SUPT3H: variants seen among roughly 807,000 people sequenced by gnomAD.
SUPT3H encodes the protein transcription initiation protein SPT3 homolog.
Under a neutral mutation model 44.3 loss-of-function variants are expected in SUPT3H, and 44 were observed. That is an observed-to-expected ratio of 0.99 (90% CI 0.78 to 1.28). The LOEUF (loss-of-function observed/expected upper bound fraction) is 1.28. Among genes scored for constraint, SUPT3H ranks in the 50% most tolerant of loss-of-function variants. The pLI, the probability that SUPT3H is intolerant of heterozygous loss-of-function variation, is 0.00. For synonymous variants in SUPT3H, 124 were observed against 125.6 expected, an observed-to-expected ratio of 0.99 and a Z score of 0.09; for missense variants, 380 against 387.1, an observed-to-expected ratio of 0.98 and a Z score of 0.15.
At chr6:44,841,144 T>A (rs1487692277) in intron 10 of SUPT3H, among the ~76,000 whole-genome samples, 1 of 152,216 alleles carries the variant, frequency 6.6e-6, no homozygotes, top group African/African-American at 2.4e-5. Flanking sequence ...TAAAACCTCT[T>A]TTCTTTATAA....
intron 2 of SUPT3H, among the ~76,000 whole-genome samples, chr6:45,261,313 C>G (rs542410407): frequency 3.9e-5 from 6 of 151,960 alleles, no homozygotes; most frequent in African/African-American, 1.4e-4. Flanking sequence ...CAGAGATGCA[C>G]AAATTGTCAA....
intron 3 of SUPT3H, among the ~76,000 whole-genome samples, chr6:45,032,014 G>A (rs1320889021): frequency 6.6e-6 from 1 of 152,118 alleles, no homozygotes; most frequent in Non-Finnish European, 1.5e-5. Context: ...GTTGCAAAAT[G>A]GGATTATAGC....
chr6:44,810,230 T>C (rs1766420874), intron 11 of SUPT3H, among the ~76,000 whole-genome samples: 1 of 152,184 alleles, frequency 6.6e-6, no homozygotes, highest in Non-Finnish European at 1.5e-5. Flanking sequence ...ATAGGCAGGA[T>C]CACCCCATGA....
intron 10 of SUPT3H, among the ~76,000 whole-genome samples, chr6:44,876,896 TAAAAG>T (rs1397557319): frequency 1.3e-5 from 2 of 151,182 alleles, no homozygotes; most frequent in African/African-American, 2.4e-5. Flanking sequence ...AATTTTATCT[TAAAAG>T]AAAAAAACTG....
At chr6:45,139,313 G>A (rs116224737) in intron 2 of SUPT3H, among the ~76,000 whole-genome samples, 2,474 of 152,170 alleles carry the variant, frequency 0.016, 33 homozygotes, top group Non-Finnish European at 0.026. Context: ...TAAAAATTCT[G>A]GTGACGCATC....
intron 10 of SUPT3H, among the ~76,000 whole-genome samples, chr6:44,915,694 T>C (rs562898991): frequency 6.6e-6 from 1 of 152,304 alleles, no homozygotes; most frequent in African/African-American, 2.4e-5. Context: ...CAACCTCTTA[T>C]TGTAACTCAG....
At chr6:44,824,933 G>C (rs1453747865), downstream of SUPT3H, among the ~76,000 whole-genome samples, 1 of 152,180 alleles carries the variant, frequency 6.6e-6, no homozygotes, top group East Asian at 1.9e-4. Flanking sequence ...ATGAATTAAT[G>C]AGCAAGCCTT....
At chr6:45,285,927 T>G (rs915652915) in intron 2 of SUPT3H, among the ~76,000 whole-genome samples, 12 of 150,402 alleles carry the variant, frequency 8.0e-5, no homozygotes, top group South Asian at 2.1e-4. Context: ...AACAGAGCCC[T>G]CAGAAATAAT....
At chr6:45,288,696 C>T (rs1438643620) in intron 2 of SUPT3H, among the ~76,000 whole-genome samples, 1 of 148,822 alleles carries the variant, frequency 6.7e-6, no homozygotes, top group Non-Finnish European at 1.5e-5. Context: ...TCATTAATTC[C>T]TTGCAATAAT....
chr6:45,320,931 G>A (rs1160445802), intron 2 of SUPT3H, among the ~76,000 whole-genome samples: 1 of 152,040 alleles, frequency 6.6e-6, no homozygotes, highest in African/African-American at 2.4e-5. Context: ...CAATATAATA[G>A]TATTTAATGT....
At position 45,158,820 on chromosome 6, in the gene SUPT3H, G is replaced by A. The variant is rs537836232; in HGVS notation, c.102-52814C>T. The A allele has an allele frequency of 3.9e-5, 6 of 152,198 alleles. 1 individual carries two copies. The South Asian group carries it at 1.2e-3, about 32-fold the overall frequency. 9.4% of individuals were successfully genotyped at this position (152,198 alleles called of 1,614,324 possible). A position where few individuals can be genotyped will look rare whatever the true frequency, so the allele number is the denominator to read the frequency against. The stretch of plus-strand genomic sequence containing the variant: ...GTTACCAAGAATATGTAGGTAATGG[G>A]AAAACAAGACACTCCACTACTACTA... On this transcript the variant is annotated intron_variant, in intron 2 of 10. Coordinates refer to ENST00000371459, the MANE Select transcript of SUPT3H (RefSeq NM_003599.4).
At chr6:44,907,604 G>A (rs550907797) in intron 10 of SUPT3H, among the ~76,000 whole-genome samples, 1 of 152,168 alleles carries the variant, frequency 6.6e-6, no homozygotes, top group African/African-American at 2.4e-5. Flanking sequence ...CTTGAACCTG[G>A]GAGGCAGAGG....
chr6:45,131,164 G>A (rs1313348544), intron 2 of SUPT3H, among the ~76,000 whole-genome samples: 3 of 152,086 alleles, frequency 2.0e-5, no homozygotes, highest in Non-Finnish European at 4.4e-5. Flanking sequence ...TGTAAATATG[G>A]AATACTGGGC....
intron 3 of SUPT3H, among the ~76,000 whole-genome samples, chr6:45,089,489 A>T (rs546876431): frequency 1.3e-5 from 2 of 152,018 alleles, no homozygotes; most frequent in East Asian, 3.9e-4. Flanking sequence ...TGCGTCTCTC[A>T]TCAGAGCTTC....
At chr6:45,093,578 TA>T (rs2153564410) in intron 3 of SUPT3H, among the ~76,000 whole-genome samples, 1 of 152,124 alleles carries the variant, frequency 6.6e-6, no homozygotes, top group Non-Finnish European at 1.5e-5. Context: ...GAAAAACTGA[TA>T]AATGAGAATA....
At chr6:44,838,887 C>T (rs766565253) in intron 10 of SUPT3H, among the ~76,000 whole-genome samples, 8 of 152,176 alleles carry the variant, frequency 5.3e-5, no homozygotes, top group Admixed American at 1.3e-4. Context: ...CATACTTTTA[C>T]CTTGTACATA....
chr6:44,840,495 T>C (rs1200442852), intron 10 of SUPT3H, among the ~76,000 whole-genome samples: 2 of 152,206 alleles, frequency 1.3e-5, no homozygotes, highest in African/African-American at 4.8e-5. Context: ...AATATAGTAT[T>C]TCAATCAAAG....
chr6:44,971,804 A>T (rs1264811746), intron 6 of SUPT3H, among the ~76,000 whole-genome samples: 5 of 151,902 alleles, frequency 3.3e-5, no homozygotes, highest in African/African-American at 1.2e-4. Flanking sequence ...ACGGAGTCTC[A>T]CTCTGTCGCC....
intron 2 of SUPT3H, among the ~76,000 whole-genome samples, chr6:45,245,085 T>C (rs991099263): frequency 6.6e-6 from 1 of 152,140 alleles, no homozygotes; most frequent in Non-Finnish European, 1.5e-5. Context: ...TGGTAATGCT[T>C]TGATTGGTAA....
Sources: gnomAD v4.1 joint callset for allele counts (sites outside exome capture counted in the v4.1 genomes callset) on GRCh38, gnomAD v4.1.1 for gene constraint, MANE v1.5 for transcripts, NCBI Gene and HGNC (gene_info 2026-07-23, HGNC 2026-07-21) for gene names.